Variants in DENND4C observed in about 807,000 individuals in gnomAD.
The protein encoded by DENND4C is DENN domain-containing protein 4C.
A neutral mutation model predicts 203.0 loss-of-function variants in DENND4C; 108 were observed. That is an observed-to-expected ratio of 0.53 (90% CI 0.46 to 0.62). The LOEUF (loss-of-function observed/expected upper bound fraction) is 0.62, where lower values mean the gene tolerates loss of function less well. Ranked by LOEUF, DENND4C falls within the 20% of genes least tolerant of loss-of-function variation. The pLI is 0.00. For missense variants in DENND4C, 2,481 were observed against 2,301.2 expected (o/e 1.08, Z -1.60); for synonymous variants, 871 against 792.4 (o/e 1.10, Z -1.67).
intron 30 of DENND4C, among the ~76,000 whole-genome samples, chr9:19,369,137 G>C (rs1399632273): frequency 6.6e-6 from 1 of 151,996 alleles, no homozygotes; most frequent in Non-Finnish European, 1.5e-5. Context: ...ATGCGATCCT[G>C]TCTCCAAAAA....
Position 19,297,400 on chromosome 9 carries a change from A to C in DENND4C, c.1041-656A>C, listed in dbSNP as rs937369781. ...TTTTGTACTCTTGAAATGGCAGTTT[A>C]ATGATTTATAGTTCTGGGTTTAACT... On this transcript the variant is annotated intron_variant, in intron 6 of 32. Transcript: ENST00000434457. 3.3e-5 allele frequency among the ~76,000 whole-genome samples: 5 copies of C among 152,204 alleles called. No homozygotes were observed. In the East Asian group the frequency reaches 9.6e-4, roughly 29 times the overall value.
intron 1 of DENND4C, among the ~76,000 whole-genome samples, chr9:19,261,166 G>A (rs979200387): frequency 3.3e-5 from 5 of 151,960 alleles, no homozygotes; most frequent in African/African-American, 9.7e-5. Flanking sequence ...AAATAAGTTC[G>A]TTGTAGATGT....
chr9:19,252,845 C>T (rs539586457), intron 1 of DENND4C, among the ~76,000 whole-genome samples: 7 of 152,242 alleles, frequency 4.6e-5, no homozygotes, highest in East Asian at 1.9e-4. Context: ...AAGTAATTCT[C>T]ATGCCTCAGC....
chr9:19,254,518 T>C (rs1162075552), intron 1 of DENND4C, among the ~76,000 whole-genome samples: 1 of 152,192 alleles, frequency 6.6e-6, no homozygotes, highest in Non-Finnish European at 1.5e-5. Flanking sequence ...GTCTCATTAA[T>C]ATGTGGAATC....
intron 1 of DENND4C, among the ~76,000 whole-genome samples, chr9:19,251,408 G>T (rs536954480): frequency 6.6e-6 from 1 of 152,244 alleles, no homozygotes; most frequent in African/African-American, 2.4e-5. Flanking sequence ...CTCTGGGCCT[G>T]TGATGGGAGA....
intron 1 of DENND4C, among the ~76,000 whole-genome samples, chr9:19,271,442 C>T (rs934806861): frequency 1.3e-5 from 2 of 152,106 alleles, no homozygotes; most frequent in Non-Finnish European, 1.5e-5. Flanking sequence ...CTCAAGTGAT[C>T]CGCCTACCTC....
chr9:19,281,101 G>A (rs10757048), intron 2 of DENND4C, among the ~76,000 whole-genome samples: 83,108 of 151,990 alleles, frequency 0.55, 22,682 homozygotes, highest in South Asian at 0.66. Context: ...ATACAGTCAT[G>A]ACTGAAAGAT....
At chr9:19,326,573 T>G (rs767701352) in intron 15 of DENND4C, among the ~76,000 whole-genome samples, 15 of 152,142 alleles carry the variant, frequency 9.9e-5, no homozygotes, top group Non-Finnish European at 1.9e-4. Context: ...AATTTATTCT[T>G]TATTAAGATA....
chr9:19,320,479 G>T (rs1489164287), intron 12 of DENND4C, among the ~76,000 whole-genome samples: 1 of 152,192 alleles, frequency 6.6e-6, no homozygotes, highest in Non-Finnish European at 1.5e-5. Flanking sequence ...GATTACAGGC[G>T]TGAGCCACTG....
chr9:19,255,992 C>T (rs1329778776), intron 1 of DENND4C, among the ~76,000 whole-genome samples: 1 of 151,768 alleles, frequency 6.6e-6, no homozygotes, highest in Non-Finnish European at 1.5e-5. Context: ...AATCCCAGCA[C>T]TTTGGGAGGC....
At chr9:19,322,500 G>A (rs1305978495) in intron 12 of DENND4C, among the ~76,000 whole-genome samples, 2 of 151,898 alleles carry the variant, frequency 1.3e-5, no homozygotes, top group Non-Finnish European at 2.9e-5. Context: ...GGTGGCTCAG[G>A]CCTGTAATCC....
chr9:19,244,486 A>G (rs1013210649), intron 1 of DENND4C, among the ~76,000 whole-genome samples: 1 of 151,238 alleles, frequency 6.6e-6, no homozygotes, highest in Non-Finnish European at 1.5e-5. Flanking sequence ...CACACCTGTA[A>G]TCCCAGCACT....
intron 1 of DENND4C, among the ~76,000 whole-genome samples, chr9:19,248,631 C>G (rs1825826766): frequency 6.6e-6 from 1 of 152,118 alleles, no homozygotes. Context: ...CTCAGATGAT[C>G]TGCCCGCCTC....
intron 18 of DENND4C, among the ~76,000 whole-genome samples, chr9:19,335,866 A>G (rs1269160577): frequency 6.6e-6 from 1 of 152,158 alleles, no homozygotes; most frequent in African/African-American, 2.4e-5. Flanking sequence ...TCTTTTGCAT[A>G]TCTATACCCA....
At chr9:19,341,242 T>C (rs755867554) in intron 21 of DENND4C, 128 bp downstream of exon 21, 1 of 681,386 alleles carries the variant, frequency 1.5e-6, no homozygotes, top group East Asian at 3.4e-5. Flanking sequence ...TAAGATGCTG[T>C]GTACTGTTAC....
chr9:19,274,763 A>C (rs1031857749), intron 1 of DENND4C, among the ~76,000 whole-genome samples: 5 of 152,194 alleles, frequency 3.3e-5, no homozygotes, highest in Admixed American at 1.3e-4. Context: ...TTCTAACTGG[A>C]TTGTTGAGAA....
intron 2 of DENND4C, among the ~76,000 whole-genome samples, chr9:19,282,164 C>G (rs75687748): frequency 6.9e-6 from 1 of 144,456 alleles, no homozygotes; most frequent in Non-Finnish European, 1.5e-5. Flanking sequence ...AAAACACTTA[C>G]CATACAGCTG....
chr9:19,287,072 TAC>T (rs1169534368), intron 3 of DENND4C, 51 bp downstream of exon 3: 38 of 1,227,254 alleles, frequency 3.1e-5, no homozygotes, highest in Non-Finnish European at 3.6e-5. Context: ...CAAAAAGGGA[TAC>T]GTTTTGGATT....
intron 4 of DENND4C, among the ~76,000 whole-genome samples, chr9:19,289,994 C>T (rs562876544): frequency 6.6e-6 from 1 of 152,196 alleles, no homozygotes; most frequent in East Asian, 1.9e-4. Context: ...ATATGAGACA[C>T]TTATTTTAGA....
Sources: allele counts gnomAD v4.1 joint callset (sites outside exome capture counted in the v4.1 genomes callset), GRCh38; gene constraint gnomAD v4.1.1; transcripts MANE v1.5; gene names NCBI Gene and HGNC (gene_info 2026-07-23, HGNC 2026-07-21).